The following MPPED2 variants were observed in gnomAD, a reference collection of about 807,000 sequenced individuals.
The protein encoded by MPPED2 is metallophosphoesterase MPPED2.
In MPPED2, 5 loss-of-function variants were observed where a neutral mutation model predicts 33.0. The ratio of observed to expected loss-of-function variants is 0.15; its 90% CI spans 0.08 to 0.32. The LOEUF is 0.32. MPPED2 is among the 10% of genes least tolerant of loss of function. MPPED2 has a pLI of 1.00. For missense variants in MPPED2, 275 were observed against 372.1 expected (o/e 0.74, Z 2.15); for synonymous variants, 136 against 141.9 (o/e 0.96, Z 0.29).
chr11:30,476,957 T>C lies in MPPED2; in HGVS notation c.536+18339A>G, dbSNP rs146777956. Among the ~76,000 whole-genome samples the C allele has an allele frequency of 2.5e-4, 38 of 152,244 alleles. No homozygotes were observed. The East Asian group carries it at 7.3e-3, about 29-fold the overall frequency. On this transcript the variant is annotated intron_variant, in intron 4 of 6. Transcript: ENST00000358117. ...TCTACATATCTTTTGTTATATTTGC[T>C]CCTAAATATTTTAAGGTTTTGGTGC...
intron 3 of MPPED2, among the ~76,000 whole-genome samples, chr11:30,504,524 C>A (rs920283876): frequency 2.6e-5 from 4 of 152,090 alleles, no homozygotes; most frequent in Non-Finnish European, 5.9e-5. Context: ...GCTGCTGTAC[C>A]CCTGGCACCT....
downstream of MPPED2, among the ~76,000 whole-genome samples, chr11:30,408,426 C>T (rs1432749956): frequency 2.0e-5 from 3 of 152,220 alleles, no homozygotes; most frequent in Non-Finnish European, 4.4e-5. Flanking sequence ...ATTCTCCTAC[C>T]TCAGCCTTAG....
chr11:30,548,099 G>C (rs1955522181), intron 2 of MPPED2, among the ~76,000 whole-genome samples: 1 of 152,170 alleles, frequency 6.6e-6, no homozygotes, highest in African/African-American at 2.4e-5. Flanking sequence ...ACCTGGGTAT[G>C]ACACTCTGGA....
intron 4 of MPPED2, among the ~76,000 whole-genome samples, chr11:30,463,977 C>G (rs1218457140): frequency 6.6e-6 from 1 of 151,546 alleles, no homozygotes; most frequent in Non-Finnish European, 1.5e-5. Flanking sequence ...CACGCAATAC[C>G]TAAAAAACAA....
intron 4 of MPPED2, among the ~76,000 whole-genome samples, chr11:30,468,227 TATACACACAC>T (rs1234901654): frequency 1.4e-4 from 14 of 101,238 alleles, no homozygotes; most frequent in African/African-American, 3.8e-4. Flanking sequence ...TATGGCATAC[TATACACACAC>T]ACACACACAC....
intron 4 of MPPED2, chr11:30,495,009 A>G (rs1952188724): frequency 8.6e-6 from 3 of 348,868 alleles, no homozygotes; most frequent in African/African-American, 2.1e-5. Context: ...ATGGAATTTT[A>G]TCAGTGGGAG....
At chr11:30,549,867 G>C (rs550645937) in intron 2 of MPPED2, among the ~76,000 whole-genome samples, 1 of 152,250 alleles carries the variant, frequency 6.6e-6, no homozygotes, top group East Asian at 1.9e-4. Context: ...TCTTCCACGT[G>C]AGAAAGTTAG....
chr11:30,496,713 G>GA (rs1427888176), intron 3 of MPPED2, among the ~76,000 whole-genome samples: 3 of 140,260 alleles, frequency 2.1e-5, no homozygotes, highest in Admixed American at 7.0e-5. Context: ...TTGTGGGCGG[G>GA]GGGTGGGGGG....
chr11:30,510,292 C>T lies in MPPED2; in HGVS notation c.311-14771G>A, dbSNP rs144355072. Among the ~76,000 whole-genome samples the T allele has an allele frequency of 7.9e-5, 12 of 152,246 alleles. No individual in the cohort carries two copies. In the East Asian group the frequency reaches 2.3e-3, roughly 29 times the overall value. On this transcript the variant is annotated intron_variant, in intron 3 of 6. Coordinates refer to ENST00000358117, the MANE Select transcript of MPPED2 (RefSeq NM_001584.3). ...ATTTAAGATGATAGAAATTATCTTT[C>T]TGTGTCTAGCTACTGTTCTTCCAAG...
chr11:30,410,987 A>T lies in MPPED2; in HGVS notation c.*481T>A. 1.0e-6 allele frequency: 1 copy of T among 985,828 alleles called. No homozygotes were observed. Among genetic ancestry groups the T allele is most frequent in the Non-Finnish European group, 1.2e-6 (1 of 829,952 alleles). 61.1% of individuals were successfully genotyped at this position (985,828 alleles called of 1,614,324 possible). On this transcript the variant is annotated 3_prime_UTR_variant, in exon 7 of 7. Coordinates refer to ENST00000358117, the MANE Select transcript of MPPED2 (RefSeq NM_001584.3). Reference sequence around the variant, plus strand: ...CTACTTCTGTTGAGAAGATTGCTATAAATTGGGACCACATCTGCAAAAAAG... The same window carrying T: ...CTACTTCTGTTGAGAAGATTGCTATTAATTGGGACCACATCTGCAAAAAAG...
At chr11:30,420,525 A>T (rs1283647656) in intron 4 of MPPED2, among the ~76,000 whole-genome samples, 1 of 152,202 alleles carries the variant, frequency 6.6e-6, no homozygotes, top group Non-Finnish European at 1.5e-5. Context: ...TTGGTACAGT[A>T]CCTACAACGT....
chr11:30,493,699 T>C (rs1952100911), intron 4 of MPPED2, among the ~76,000 whole-genome samples: 1 of 152,010 alleles, frequency 6.6e-6, no homozygotes, highest in Non-Finnish European at 1.5e-5. Flanking sequence ...CCTAAATGAC[T>C]TGCCTAAGTT....
intron 1 of MPPED2, among the ~76,000 whole-genome samples, chr11:30,581,821 C>A (rs764223844): frequency 6.6e-6 from 1 of 152,164 alleles, no homozygotes; most frequent in Non-Finnish European, 1.5e-5. Context: ...ATAACACCCA[C>A]CTTGCCTGCC....
At chr11:30,496,710 C>CCGGGGG (rs1952275012) in intron 3 of MPPED2, among the ~76,000 whole-genome samples, 1 of 120,646 alleles carries the variant, frequency 8.3e-6, no homozygotes, top group South Asian at 3.1e-4. Flanking sequence ...ATTTTGTGGG[C>CCGGGGG]GGGGGGTGGG....
intron 4 of MPPED2, among the ~76,000 whole-genome samples, chr11:30,460,071 C>T (rs188410977): frequency 1.3e-4 from 20 of 152,266 alleles, no homozygotes; most frequent in Non-Finnish European, 2.5e-4. Context: ...GTACTTGGCA[C>T]ACACAAGATC....
At chr11:30,544,543 C>T (rs1955307190) in intron 2 of MPPED2, among the ~76,000 whole-genome samples, 1 of 152,200 alleles carries the variant, frequency 6.6e-6, no homozygotes, top group South Asian at 2.1e-4. Context: ...TGCTTACGAA[C>T]ATGCCTGGTA....
At chr11:30,572,620 T>C (rs1227745867) in intron 2 of MPPED2, among the ~76,000 whole-genome samples, 2 of 152,092 alleles carry the variant, frequency 1.3e-5, no homozygotes, top group East Asian at 3.9e-4. Flanking sequence ...GAAAGAAGTG[T>C]ATGTTTAGAA....
intron 4 of MPPED2, among the ~76,000 whole-genome samples, chr11:30,481,480 T>G (rs1248183424): frequency 2.0e-5 from 3 of 152,142 alleles, no homozygotes; most frequent in Admixed American, 1.3e-4. Context: ...ATTAAGCTCT[T>G]GAACAAAAGC....
At chr11:30,409,721 G>T (rs1948042831), downstream of MPPED2, among the ~76,000 whole-genome samples, 1 of 152,166 alleles carries the variant, frequency 6.6e-6, no homozygotes, top group Admixed American at 6.5e-5. Context: ...TGCTTCAGTG[G>T]TTCTTCTGGG....
Sources: gnomAD v4.1 joint callset for allele counts (sites outside exome capture counted in the v4.1 genomes callset) on GRCh38, gnomAD v4.1.1 for gene constraint, MANE v1.5 for transcripts, NCBI Gene and HGNC (gene_info 2026-07-23, HGNC 2026-07-21) for gene names.